SNX14: variants seen among roughly 807,000 people sequenced by gnomAD.
SNX14 encodes the protein sorting nexin-14.
SNX14 carries 93 observed loss-of-function variants against 133.8 expected under a neutral mutation model. The observed-to-expected ratio is 0.70, with a 90% confidence interval of 0.59 to 0.83. The LOEUF (loss-of-function observed/expected upper bound fraction) is 0.83. Among genes scored for constraint, SNX14 ranks in the 40% least tolerant of loss-of-function variants. SNX14 has a pLI of 0.00. For synonymous variants in SNX14, 368 were observed against 365.6 expected (o/e 1.01, Z -0.07); for missense variants, 945 against 1,094.9 (o/e 0.86, Z 1.93).
In SNX14 at chr6:85,543,169, T is replaced by C; in HGVS notation, c.1389+13A>G. ...TATAAAAATCCTCAAACAAGGTTAA[T>C]ATTTTGACTTACCTCATCACTATGG... is the stretch of plus-strand genomic sequence containing the variant. On this transcript the variant is annotated intron_variant, in intron 14 of 28. Coordinates refer to ENST00000314673, the MANE Select transcript of SNX14 (RefSeq NM_153816.6). 6.6e-7 allele frequency: 1 copy of C among 1,525,224 alleles called. No homozygotes were observed. The highest frequency in any genetic ancestry group is 8.8e-7 in the Non-Finnish European group (1 of 1,141,858). 94.5% of individuals were successfully genotyped at this position (1,525,224 alleles called of 1,614,324 possible).
chr6:85,518,321 T>C (rs1223668375), intron 21 of SNX14, among the ~76,000 whole-genome samples: 2 of 151,306 alleles, frequency 1.3e-5, no homozygotes, highest in African/African-American at 2.4e-5. Context: ...GATAACAACG[T>C]TGAGTAAGAA....
At chr6:85,549,439 T>C (rs1266340150) in intron 8 of SNX14, among the ~76,000 whole-genome samples, 2 of 152,136 alleles carry the variant, frequency 1.3e-5, no homozygotes, top group Admixed American at 6.5e-5. Context: ...TGAAATAAAA[T>C]ATAATGGCAT....
At position 85,558,189 on chromosome 6, in the gene SNX14, T is replaced by G. The variant is rs1038278802; in HGVS notation, c.550-129A>C. ...ATTCAGAATCTTTCAAAAATAACAC[T>G]TTATATTCCTGCATCATACTAACTG... On this transcript the variant is annotated intron_variant, in intron 6 of 28. Transcript: ENST00000314673. 5.2e-6 allele frequency: 3 copies of G among 573,516 alleles called. No individual in the cohort carries two copies. The African/African-American group carries it at 5.8e-5, about 11-fold the overall frequency. 35.5% of individuals were successfully genotyped at this position (573,516 alleles called of 1,614,324 possible).
chr6:85,516,632 C>CTTT (rs746721196), intron 23 of SNX14, among the ~76,000 whole-genome samples: 47 of 126,424 alleles, frequency 3.7e-4, no homozygotes, highest in Non-Finnish European at 4.7e-4. Flanking sequence ...CTTCCTTAAT[C>CTTT]TTTTTTTTTT....
At chr6:85,525,125 T>C (rs1247086819) in intron 21 of SNX14, among the ~76,000 whole-genome samples, 2 of 152,288 alleles carry the variant, frequency 1.3e-5, no homozygotes, top group East Asian at 3.9e-4. Context: ...TTCTGAAACA[T>C]GATCTTCAGG....
intron 7 of SNX14, 114 bp from the exon 8 acceptor site, chr6:85,549,993 T>G (rs1787165653): frequency 1.1e-6 from 1 of 889,216 alleles, no homozygotes; most frequent in African/African-American, 1.7e-5. Flanking sequence ...ATGCCTGTAA[T>G]CCCAGCATTT....
At chr6:85,549,600 T>C in intron 8 of SNX14, 123 bp downstream of exon 8, 1 of 600,270 alleles carries the variant, frequency 1.7e-6, no homozygotes, top group Non-Finnish European at 2.4e-6. Flanking sequence ...AATAAATTTT[T>C]TCAAATGAAA....
At chr6:85,506,476 C>T (rs1430672197) in intron 28 of SNX14, among the ~76,000 whole-genome samples, 1 of 152,078 alleles carries the variant, frequency 6.6e-6, no homozygotes, top group Non-Finnish European at 1.5e-5. Context: ...GCCACCAAAC[C>T]GAGATAACTT....
intron 18 of SNX14, among the ~76,000 whole-genome samples, chr6:85,532,018 A>T (rs1780470308): frequency 6.9e-6 from 1 of 145,262 alleles, no homozygotes; most frequent in South Asian, 2.3e-4. Flanking sequence ...ACAAAGCAAG[A>T]CCCTCTCTCA....
chr6:85,564,401 G>A lies in SNX14; in HGVS notation c.549+931C>T, dbSNP rs186989040. On this transcript the variant is annotated intron_variant, in intron 6 of 28. Transcript: ENST00000314673. ...ACAGTCCCACCAGCAGTGTAAAAGT[G>A]TTTCTATTTCTCCACATCCTCTCCA... Among the ~76,000 whole-genome samples the A allele has an allele frequency of 2.0e-5, 3 of 152,304 alleles. No individual in the cohort carries two copies. In the East Asian group the frequency reaches 5.8e-4, roughly 29 times the overall value.
chr6:85,508,040 A>T lies in SNX14; in HGVS notation c.2673T>A (p.Ile891=), dbSNP rs1188900503. The change falls in exon 27 of 29, where the codon ATT becomes ATA. Residue 891 remains isoleucine, a synonymous_variant. Coordinates refer to ENST00000314673, the MANE Select transcript of SNX14 (RefSeq NM_153816.6). ...NYIPDLLVKC[I]GEETKYESIR... is the part of the protein sequence containing the mutation. ...TGCTTTCATACTTGGTTTCTTCACC[A>T]ATACACTTGACTAACAGATCTAAAC... 6.2e-7 allele frequency: 1 copy of T among 1,612,784 alleles called. No homozygotes were observed. The highest frequency in any genetic ancestry group is 8.5e-7 in the Non-Finnish European group (1 of 1,179,250).
intron 21 of SNX14, among the ~76,000 whole-genome samples, chr6:85,525,343 T>C (rs1001138455): frequency 1.1e-4 from 17 of 152,294 alleles, no homozygotes; most frequent in Non-Finnish European, 2.2e-4. Context: ...AAAATGGTTT[T>C]ACTAATTATA....
chr6:85,538,669 T>C (rs1215807888), intron 16 of SNX14, among the ~76,000 whole-genome samples, 169 bp downstream of exon 16: 1 of 152,200 alleles, frequency 6.6e-6, no homozygotes, highest in Non-Finnish European at 1.5e-5. Context: ...AGGAGGTATG[T>C]AGAATAAAAG....
chr6:85,557,121 C>T (rs1790046580), intron 7 of SNX14, among the ~76,000 whole-genome samples: 3 of 152,136 alleles, frequency 2.0e-5, no homozygotes, highest in Admixed American at 2.0e-4. Context: ...AAAAATATGA[C>T]CGTGAAACCT....
intron 28 of SNX14, among the ~76,000 whole-genome samples, chr6:85,507,030 G>C (rs1191599062): frequency 1.3e-5 from 2 of 151,974 alleles, no homozygotes; most frequent in Non-Finnish European, 2.9e-5. Context: ...TGAAGTCAAA[G>C]CAGAAGCTAT....
intron 1 of SNX14, chr6:85,581,570 T>C (rs1057295622): frequency 1.3e-5 from 2 of 152,166 alleles, no homozygotes; most frequent in African/African-American, 4.8e-5. Flanking sequence ...TCAAAATAGC[T>C]GTATTAAGAA....
chr6:85,518,946 G>A (rs1330403664), intron 21 of SNX14, among the ~76,000 whole-genome samples: 1 of 152,150 alleles, frequency 6.6e-6, no homozygotes, highest in Non-Finnish European at 1.5e-5. Context: ...ATCTCTGCCT[G>A]TCTCCTGGAC....
rs763601441 is a variant in SNX14 at position 85,558,039 on chromosome 6, T to C, written c.571A>G (p.Thr191Ala). 1 of 1,572,278 alleles carries C rather than the reference T, an allele frequency of 6.4e-7. No homozygotes were observed. The highest frequency in any genetic ancestry group is 1.7e-5 in the Admixed American group (1 of 57,982). ...ATTGCTGCTTTTAATAGTTTCTTGG[T>C]TATAATAGATGGAATATCCACCTAG... is the stretch of plus-strand genomic sequence containing the variant. ...IHKVDIPSII[T>A]KKLLKAAMKH... The change falls in exon 7 of 29, where the codon ACC (threonine) becomes GCC (alanine). Residue 191 changes from threonine to alanine, a missense_variant. By Grantham distance (58) the Thr-to-Ala change is moderately conservative. This residue lies in a region of SNX14 where 514 missense variants were observed against 538.8 expected (regional missense o/e 0.95). Transcript: ENST00000314673.
Position 85,514,131 on chromosome 6 carries a change from C to G in SNX14, c.2496G>C (p.Gln832His). Residue 832 changes from glutamine to histidine, a missense_variant, in exon 25 of 29, where the codon CAG becomes CAC. By Grantham distance (24) the Gln-to-His change is conservative. Around this residue, in one of 3 missense-constraint regions of SNX14, gnomAD observed 412 missense variants for 516.6 expected, o/e 0.80. Coordinates refer to ENST00000314673, the MANE Select transcript of SNX14 (RefSeq NM_153816.6). ...CCTGAAATAGCTGTTCTAGTTTACA[C>G]TGAAGATAGTAATCAGTATACATTT... ...TLEMYTDYYL[Q>H]CKLEQLFQEH... 1.2e-6 allele frequency: 2 copies of G among 1,613,946 alleles called. No homozygotes were observed. Among genetic ancestry groups the G allele is most frequent in the Non-Finnish European group, 1.7e-6 (2 of 1,179,940 alleles).
Sources: allele counts gnomAD v4.1 joint callset (sites outside exome capture counted in the v4.1 genomes callset), GRCh38; gene constraint gnomAD v4.1.1; regional missense constraint gnomAD v4.1.1; transcripts MANE v1.5; gene names NCBI Gene and HGNC (gene_info 2026-07-23, HGNC 2026-07-21).